The following LRRC8B variants were observed in gnomAD, a reference collection of about 807,000 sequenced individuals.
LRRC8B encodes the protein volume-regulated anion channel subunit LRRC8B.
In LRRC8B, 23 loss-of-function variants were observed where a neutral mutation model predicts 58.8. The ratio of observed to expected loss-of-function variants is 0.39; its 90% CI spans 0.28 to 0.55. The LOEUF (loss-of-function observed/expected upper bound fraction) is 0.55. LRRC8B is among the 20% of genes least tolerant of loss of function. The pLI, the probability that LRRC8B is intolerant of heterozygous loss-of-function variation, is 0.62. For synonymous variants in LRRC8B, 359 were observed against 374.1 expected (o/e 0.96, Z 0.47); for missense variants, 694 against 936.0 (o/e 0.74, Z 3.37).
At chr1:89,575,292 G>A (rs1441426782) in intron 3 of LRRC8B, among the ~76,000 whole-genome samples, 1 of 152,162 alleles carries the variant, frequency 6.6e-6, no homozygotes, top group East Asian at 1.9e-4. Flanking sequence ...GTAGCTTCAA[G>A]CCTATGCCTT....
chr1:89,532,631 T>C (rs989184110), intron 1 of LRRC8B, among the ~76,000 whole-genome samples: 7 of 152,186 alleles, frequency 4.6e-5, no homozygotes, highest in Admixed American at 4.6e-4. Flanking sequence ...TCCATCATGA[T>C]TGTAAGTCTC....
At chr1:89,530,789 C>T (rs2100782705) in intron 1 of LRRC8B, among the ~76,000 whole-genome samples, 1 of 152,248 alleles carries the variant, frequency 6.6e-6, no homozygotes, top group Admixed American at 6.5e-5. Flanking sequence ...TCCCTCCGTA[C>T]CTTTCCATTT....
intron 5 of LRRC8B, among the ~76,000 whole-genome samples, chr1:89,586,926 ATACTT>A (rs969383412): frequency 6.6e-6 from 1 of 152,196 alleles, no homozygotes; most frequent in Admixed American, 6.5e-5. Flanking sequence ...CTCTGATGGA[ATACTT>A]TAGCCTCATG....
Position 89,583,903 on chromosome 1 carries a change from C to T in LRRC8B, c.1253C>T (p.Ala418Val). ...EKLKSKLVKN[A>V]QDKIELHLFM... ...CTGAAAAGTAAGCTTGTGAAAAATG[C>T]CCAGGACAAGATAGAACTGCATCTT... is the stretch of plus-strand genomic sequence containing the variant. The change falls in exon 5 of 6, where the codon GCC becomes GTC. Residue 418 changes from alanine (A) to valine (V), a missense_variant. This residue lies in a region of LRRC8B where 162 missense variants were observed against 198.5 expected (regional missense o/e 0.82). Transcript: ENST00000330947. This position sits in a 1 kb window ranked among gnomAD's most constrained non-coding sequence, Gnocchi z 5.2. 1 of 1,614,140 alleles carries T rather than the reference C, an allele frequency of 6.2e-7. No individual in the cohort carries two copies. The highest frequency in any genetic ancestry group is 8.5e-7 in the Non-Finnish European group (1 of 1,180,030).
rs71535246 is a variant in LRRC8B, at chr1:89,570,340, A to G, written c.-125+1847A>G. ...TGAACTAATTTACACTCTCACCAACAGTGTATAAGCATTCCTTTTTCTCCA... is the reference window on the plus strand; with the variant it reads ...TGAACTAATTTACACTCTCACCAACGGTGTATAAGCATTCCTTTTTCTCCA... On this transcript the variant is annotated intron_variant, in intron 3 of 5. Coordinates refer to ENST00000330947, the MANE Select transcript of LRRC8B (RefSeq NM_001369817.2). Among the ~76,000 whole-genome samples the G allele has an allele frequency of 8.2e-4, 125 of 152,238 alleles. No homozygotes were observed. The East Asian group carries it at 0.017, about 21-fold the overall frequency.
intron 5 of LRRC8B, among the ~76,000 whole-genome samples, chr1:89,589,230 A>G (rs1174435858): frequency 6.6e-6 from 1 of 152,170 alleles, no homozygotes; most frequent in Admixed American, 6.5e-5. Context: ...GCTCAGAGCA[A>G]TTCACCTGAG....
rs369642312 is a variant in LRRC8B, at chr1:89,555,556, A to T, written c.-240-12691A>T. The stretch of plus-strand genomic sequence containing the variant: ...ATGATACATGTAGACCAGACCTCAG[A>T]GAGAAATAAACCTTTAATCAAACAA... On this transcript the variant is annotated intron_variant, in intron 1 of 5. Coordinates refer to ENST00000330947, the MANE Select transcript of LRRC8B (RefSeq NM_001369817.2). 9.8e-5 allele frequency among the ~76,000 whole-genome samples: 15 copies of T among 152,340 alleles called. No homozygotes were observed. In the East Asian group the frequency reaches 2.3e-3, roughly 24 times the overall value.
chr1:89,571,048 C>G (rs1653437773), intron 3 of LRRC8B, among the ~76,000 whole-genome samples: 1 of 152,138 alleles, frequency 6.6e-6, no homozygotes, highest in Non-Finnish European at 1.5e-5. Context: ...TCTGGGTTCT[C>G]TATTCTGTGC....
intron 1 of LRRC8B, 84 bp from the exon 2 acceptor site, chr1:89,568,163 A>G (rs1442325140): frequency 2.0e-5 from 3 of 152,110 alleles, no homozygotes; most frequent in Non-Finnish European, 4.4e-5. Flanking sequence ...TAAAAATTCA[A>G]TGTTTATGTT....
intron 1 of LRRC8B, among the ~76,000 whole-genome samples, chr1:89,535,217 T>A (rs1032819130): frequency 1.3e-5 from 2 of 152,006 alleles, no homozygotes; most frequent in African/African-American, 4.8e-5. Context: ...CCAATAAGAC[T>A]CCCAAAACCC....
At chr1:89,555,990 G>T (rs1462809134) in intron 1 of LRRC8B, among the ~76,000 whole-genome samples, 1 of 152,126 alleles carries the variant, frequency 6.6e-6, no homozygotes, top group East Asian at 1.9e-4. Context: ...TTCTAATGTG[G>T]TAACTCACTG....
intron 1 of LRRC8B, among the ~76,000 whole-genome samples, chr1:89,565,842 C>CCAGTG (rs1332102856): frequency 6.6e-6 from 1 of 152,206 alleles, no homozygotes; most frequent in African/African-American, 2.4e-5. Flanking sequence ...CTGGTATTCA[C>CCAGTG]TAAATATTTG....
intron 1 of LRRC8B, among the ~76,000 whole-genome samples, chr1:89,555,635 G>C (rs1224186268): frequency 6.6e-6 from 1 of 152,168 alleles, no homozygotes; most frequent in Non-Finnish European, 1.5e-5. Context: ...AGAACTACAG[G>C]AGCATGTTGT....
At chr1:89,558,921 A>G (rs558667386) in intron 1 of LRRC8B, 1 of 152,278 alleles carries the variant, frequency 6.6e-6, no homozygotes, top group South Asian at 2.1e-4. Flanking sequence ...TGTTGCACTG[A>G]GGATTAAGCT....
Position 89,584,295 on chromosome 1 carries a change from C to G in LRRC8B, c.1645C>G (p.Leu549Val). 3.1e-6 allele frequency: 5 copies of G among 1,614,094 alleles called. No individual in the cohort carries two copies. The highest frequency in any genetic ancestry group is 4.2e-6 in the Non-Finnish European group (5 of 1,180,028). The change falls in exon 5 of 6, where the codon CTC (leucine) becomes GTC (valine). Residue 549 changes from leucine to valine, a missense_variant. Leu to Val is a conservative substitution (Grantham distance 32). Transcript: ENST00000330947. ...AAGGACCCTGTACTTGAAGAGCAGCCTCTCCCGGATCCCACAAGTTGTTAC... is the reference window on the plus strand; with the variant it reads ...AAGGACCCTGTACTTGAAGAGCAGCGTCTCCCGGATCCCACAAGTTGTTAC... ...NLRTLYLKSS[L>V]SRIPQVVTDL... is the part of the protein sequence containing the mutation.
Position 89,559,873 on chromosome 1 carries a change from A to T in LRRC8B, c.-240-8374A>T, listed in dbSNP as rs1456228417. On this transcript the variant is annotated intron_variant, in intron 1 of 5. Transcript: ENST00000330947. ...AAAGAGACCAGTTTATGAGTTGACA[A>T]TTGTAGACATTGTACTCCTTTTCTA... is the stretch of plus-strand genomic sequence containing the variant. 2.0e-5 allele frequency among the ~76,000 whole-genome samples: 3 copies of T among 152,318 alleles called. No homozygotes were observed. The East Asian group carries it at 5.8e-4, about 29-fold the overall frequency.
At chr1:89,565,581 C>T (rs1652985849) in intron 1 of LRRC8B, among the ~76,000 whole-genome samples, 1 of 152,236 alleles carries the variant, frequency 6.6e-6, no homozygotes, top group Admixed American at 6.5e-5. Context: ...CTGTCATTTG[C>T]TTTGCCACCC....
chr1:89,574,538 A>G (rs1026994602), intron 3 of LRRC8B, among the ~76,000 whole-genome samples: 1 of 152,218 alleles, frequency 6.6e-6, no homozygotes, highest in Non-Finnish European at 1.5e-5. Context: ...GATCTAGCTC[A>G]GGAGATTTTC....
intron 1 of LRRC8B, among the ~76,000 whole-genome samples, chr1:89,530,381 T>TAAATAATAAATA (rs1553153226): frequency 4.1e-5 from 6 of 147,568 alleles, no homozygotes; most frequent in South Asian, 2.2e-4. Flanking sequence ...AATAAATAAA[T>TAAATAATAAATA]AATAAATAAA....
Sources: allele counts gnomAD v4.1 joint callset (sites outside exome capture counted in the v4.1 genomes callset), GRCh38; gene constraint gnomAD v4.1.1; regional missense constraint gnomAD v4.1.1; non-coding constraint Gnocchi (gnomAD v3.1); transcripts MANE v1.5; gene names NCBI Gene and HGNC (gene_info 2026-07-23, HGNC 2026-07-21).